PRKACA: variants seen among roughly 807,000 people sequenced by gnomAD.
PRKACA encodes the protein protein kinase cAMP-activated catalytic subunit alpha.
A neutral mutation model predicts 45.8 loss-of-function variants in PRKACA; 9 were observed. The ratio of observed to expected loss-of-function variants is 0.20; its 90% CI spans 0.12 to 0.34. The LOEUF (loss-of-function observed/expected upper bound fraction) is 0.34, where lower values mean the gene tolerates loss of function less well. Ranked by LOEUF, PRKACA falls within the 10% of genes least tolerant of loss-of-function variation. The pLI is 1.00. For synonymous variants in PRKACA, 160 were observed against 178.6 expected (o/e 0.90, Z 0.83); for missense variants, 238 against 458.6 (o/e 0.52, Z 4.39).
intron 1 of PRKACA, among the ~76,000 whole-genome samples, chr19:14,113,931 C>T (rs562229888): frequency 1.3e-5 from 2 of 152,296 alleles, no homozygotes; most frequent in South Asian, 2.1e-4. Flanking sequence ...GACCATCCTC[C>T]CTTGTCTGAA....
chr19:14,100,735 T>C (rs1977417399), intron 5 of PRKACA, 91 bp downstream of exon 5: 1 of 1,279,424 alleles, frequency 7.8e-7, no homozygotes, highest in African/African-American at 1.5e-5. Flanking sequence ...TGAAGTATGC[T>C]GGACTCCTCT....
chr19:14,115,356 T>TA (rs1967085951), intron 1 of PRKACA, among the ~76,000 whole-genome samples: 1 of 152,212 alleles, frequency 6.6e-6, no homozygotes, highest in Admixed American at 6.5e-5. Context: ...GAAAATATGA[T>TA]AGAGTAAAAA....
chr19:14,111,071 A>G (rs1301523853), intron 1 of PRKACA, among the ~76,000 whole-genome samples: 2 of 152,236 alleles, frequency 1.3e-5, no homozygotes, highest in Non-Finnish European at 2.9e-5. Context: ...TTCCCTCAGC[A>G]TTCAGAGAGA....
intron 3 of PRKACA, among the ~76,000 whole-genome samples, chr19:14,106,401 C>T (rs532760190): frequency 1.3e-5 from 2 of 152,260 alleles, no homozygotes; most frequent in Admixed American, 6.5e-5. Context: ...CGCCTGTAAT[C>T]CCAGCACTTT....
intron 1 of PRKACA, among the ~76,000 whole-genome samples, chr19:14,114,912 G>C (rs1447310225): frequency 6.6e-6 from 1 of 152,164 alleles, no homozygotes; most frequent in African/African-American, 2.4e-5. Flanking sequence ...CCCAAGGCCT[G>C]GGCATTTTCC....
intron 1 of PRKACA, chr19:14,112,620 T>C (rs1769834143): frequency 6.6e-6 from 1 of 152,290 alleles, no homozygotes; most frequent in African/African-American, 2.4e-5. Context: ...TAAAGGTACC[T>C]GCTCCAAGCT....
chr19:14,114,501 G>C (rs543773222), intron 1 of PRKACA, among the ~76,000 whole-genome samples: 2 of 152,126 alleles, frequency 1.3e-5, no homozygotes, highest in Admixed American at 1.3e-4. Flanking sequence ...GGGTCTTCTT[G>C]GGGGGTGCTT....
intron 1 of PRKACA, among the ~76,000 whole-genome samples, chr19:14,114,666 C>T (rs867911554): frequency 1.3e-5 from 2 of 152,136 alleles, no homozygotes; most frequent in Admixed American, 6.5e-5. Flanking sequence ...GGGCGCCTGC[C>T]CCCTGGGGCC....
intron 1 of PRKACA, among the ~76,000 whole-genome samples, chr19:14,114,648 T>G (rs922812562): frequency 1.3e-5 from 2 of 152,134 alleles, no homozygotes; most frequent in African/African-American, 2.4e-5. Flanking sequence ...CACTTGGCTG[T>G]CTGACCTGGG....
rs752523423 is a variant in PRKACA at position 14,100,778 on chromosome 19, C to A, written c.419+48G>T. 5 of 1,585,460 alleles carry A rather than the reference C, an allele frequency of 3.2e-6. No homozygotes were observed. The South Asian group carries it at 5.5e-5, about 18-fold the overall frequency. On this transcript the variant is annotated intron_variant, in intron 5 of 9. Coordinates refer to ENST00000308677, the MANE Select transcript of PRKACA (RefSeq NM_002730.4). ...CAGGGGGCTTGGTCGTGCACTGCCACCTGTGGACACCCTGACAGCCTGATG... is the reference window on the plus strand; with the variant it reads ...CAGGGGGCTTGGTCGTGCACTGCCAACTGTGGACACCCTGACAGCCTGATG...
At chr19:14,102,597 C>T (rs1977476635) in intron 4 of PRKACA, among the ~76,000 whole-genome samples, 1 of 152,186 alleles carries the variant, frequency 6.6e-6, no homozygotes, top group Non-Finnish European at 1.5e-5. Flanking sequence ...GGTGACTCAC[C>T]AAGGGTATCG....
At chr19:14,114,074 C>T (rs1372187848) in intron 1 of PRKACA, 2 of 1,561,494 alleles carry the variant, frequency 1.3e-6, no homozygotes, top group Admixed American at 3.5e-5. Context: ...GCAGCCCCTC[C>T]CTGACTTAAG....
At chr19:14,103,085 G>C (rs1977493727) in intron 3 of PRKACA, among the ~76,000 whole-genome samples, 171 bp from the exon 4 acceptor site, 1 of 152,144 alleles carries the variant, frequency 6.6e-6, no homozygotes, top group African/African-American at 2.4e-5. Context: ...ACAGCATCAG[G>C]GAGGCTAGGG....
chr19:14,100,877 T>C lies in PRKACA; in HGVS notation c.368A>G (p.Tyr123Cys). ...TGAGAACATCTCCCCGCCGGGCACG[T>C]ACTCCATGACCATGTATAAGTTTGA... ...DNSNLYMVMEYVPGGEMFSHL... is the reference protein window; with the variant it reads ...DNSNLYMVMECVPGGEMFSHL... The change falls in exon 5 of 10, where the codon TAC (tyrosine) becomes TGC (cysteine). Residue 123 changes from tyrosine to cysteine, a missense_variant. By Grantham distance (194) the Tyr-to-Cys change is radical (BLOSUM62 -2). This residue lies in a region of PRKACA where 94 missense variants were observed against 240.9 expected (regional missense o/e 0.39). Transcript: ENST00000308677. 1.9e-6 allele frequency: 3 copies of C among 1,614,052 alleles called. No individual in the cohort carries two copies. Among genetic ancestry groups the C allele is most frequent in the Non-Finnish European group, 2.5e-6 (3 of 1,179,912 alleles).
intron 5 of PRKACA, among the ~76,000 whole-genome samples, chr19:14,099,065 G>T (rs912989802): frequency 3.9e-5 from 6 of 152,140 alleles, no homozygotes; most frequent in Admixed American, 2.6e-4. Context: ...GGCGGGGGGG[G>T]CGGATCACCT....
intron 1 of PRKACA, among the ~76,000 whole-genome samples, chr19:14,109,213 T>C (rs1295307260): frequency 1.3e-5 from 2 of 151,584 alleles, no homozygotes; most frequent in Admixed American, 6.6e-5. Context: ...CCAGGCACGG[T>C]GGGTCACACC....
chr19:14,117,434 G>A, intron 1 of PRKACA, 68 bp downstream of exon 1: 5 of 1,245,374 alleles, frequency 4.0e-6, no homozygotes, highest in Non-Finnish European at 1.0e-6. Context: ...GGAGGGGCCA[G>A]GCGATGATGG....
intron 3 of PRKACA, among the ~76,000 whole-genome samples, chr19:14,106,025 C>T (rs534903169): frequency 6.6e-6 from 1 of 152,162 alleles, no homozygotes; most frequent in East Asian, 1.9e-4. Flanking sequence ...GCCCTTCTGA[C>T]CCCTGGGGCT....
At position 14,097,285 on chromosome 19, in the gene PRKACA, C is replaced by A. The variant is rs773106188; in HGVS notation, c.765+76G>T. On this transcript the variant is annotated intron_variant, in intron 8 of 9. Coordinates refer to ENST00000308677, the MANE Select transcript of PRKACA (RefSeq NM_002730.4). The surrounding 1 kb of genome is among the most constrained non-coding windows in gnomAD (Gnocchi z 5.4). The stretch of plus-strand genomic sequence containing the variant: ...TAGATTATTCTGACAACAAGCAGGG[C>A]TCCCCAGGGAATAGGATGGGTGAGC... 1.2e-6 allele frequency: 2 copies of A among 1,603,100 alleles called. No homozygotes were observed. The highest frequency in any genetic ancestry group is 1.1e-5 in the South Asian group (1 of 90,600).
Sources: gnomAD v4.1 joint callset for allele counts (sites outside exome capture counted in the v4.1 genomes callset) on GRCh38, gnomAD v4.1.1 for gene constraint, gnomAD v4.1.1 regional missense constraint, Gnocchi (gnomAD v3.1) non-coding constraint, MANE v1.5 for transcripts, NCBI Gene and HGNC (gene_info 2026-07-23, HGNC 2026-07-21) for gene names.